The following CYRIB variants were observed in gnomAD, a reference collection of about 807,000 sequenced individuals.
CYRIB encodes CYFIP-related Rac1 interactor B.
In CYRIB, 8 loss-of-function variants were observed where a neutral mutation model predicts 44.2. That is an observed-to-expected ratio of 0.18 (90% CI 0.11 to 0.33). The LOEUF is 0.33. Among genes scored for constraint, CYRIB ranks in the 10% least tolerant of loss-of-function variants. CYRIB has a pLI of 1.00. For synonymous variants in CYRIB, 131 were observed against 127.2 expected (o/e 1.03, Z -0.20); for missense variants, 185 against 382.8 (o/e 0.48, Z 4.31).
At chr8:129,887,532 C>T (rs868446702) in intron 2 of CYRIB, among the ~76,000 whole-genome samples, 1 of 152,174 alleles carries the variant, frequency 6.6e-6, no homozygotes, top group Non-Finnish European at 1.5e-5. Context: ...AGGGGGCCAC[C>T]ATGCTCCAGA....
chr8:129,985,176 T>G (rs1021616127), intron 1 of CYRIB, among the ~76,000 whole-genome samples: 1 of 152,236 alleles, frequency 6.6e-6, no homozygotes, highest in African/African-American at 2.4e-5. Context: ...CTCAGTTTCC[T>G]CTTCTGTAAA....
intron 10 of CYRIB, among the ~76,000 whole-genome samples, chr8:129,847,853 G>A (rs2041039148): frequency 6.6e-6 from 1 of 152,156 alleles, no homozygotes; most frequent in Non-Finnish European, 1.5e-5. Flanking sequence ...CCAGGCTGGA[G>A]TGTAGTGGCG....
chr8:129,900,677 T>C (rs941369862), intron 2 of CYRIB, among the ~76,000 whole-genome samples: 1 of 152,074 alleles, frequency 6.6e-6, no homozygotes, highest in Non-Finnish European at 1.5e-5. Flanking sequence ...GATATTTGGG[T>C]TTTGGGAGGG....
chr8:129,995,224 C>A (rs1411448869), intron 1 of CYRIB, among the ~76,000 whole-genome samples: 1 of 152,128 alleles, frequency 6.6e-6, no homozygotes, highest in East Asian at 1.9e-4. Context: ...CTACAGAGAC[C>A]TACAGAATGG....
intron 1 of CYRIB, among the ~76,000 whole-genome samples, chr8:130,014,523 C>A (rs190606300): frequency 2.0e-5 from 3 of 152,270 alleles, no homozygotes; most frequent in African/African-American, 7.2e-5. Context: ...ATAATAGTAG[C>A]ACTTACGGGG....
intron 1 of CYRIB, among the ~76,000 whole-genome samples, chr8:129,993,612 G>A (rs1360880115): frequency 2.6e-5 from 4 of 151,234 alleles, no homozygotes; most frequent in East Asian, 1.9e-4. Flanking sequence ...CAGGAGAATC[G>A]CTGGAACCCA....
At chr8:129,883,734 C>T (rs1588523545) in intron 2 of CYRIB, among the ~76,000 whole-genome samples, 1 of 152,294 alleles carries the variant, frequency 6.6e-6, no homozygotes, top group East Asian at 1.9e-4. Context: ...AGCTGTGCCA[C>T]TTCCAAACTT....
At chr8:129,949,474 C>T (rs2094381710) in intron 2 of CYRIB, 1 of 152,206 alleles carries the variant, frequency 6.6e-6, no homozygotes, top group African/African-American at 2.4e-5. Context: ...AGTCTTAGCT[C>T]CCTGCTTTGC....
intron 1 of CYRIB, among the ~76,000 whole-genome samples, chr8:129,977,353 G>C (rs1399670704): frequency 2.0e-5 from 3 of 152,012 alleles, no homozygotes; most frequent in Non-Finnish European, 4.4e-5. Flanking sequence ...AGTTCCTAAG[G>C]CCATCCAGCT....
In CYRIB at chr8:129,951,973, AAATGTG is replaced by A. The variant is rs557807713; in HGVS notation, c.-243+18964_-243+18969del. 2.0e-4 allele frequency among the ~76,000 whole-genome samples: 30 copies of A among 152,374 alleles called. No individual in the cohort carries two copies. The East Asian group carries it at 5.0e-3, about 25-fold the overall frequency. ...CTCAGTTAGCATTCATTGAATTTAA[AAATGTG>A]AATATTAAGTTAAAAGAACAAAGTA... On this transcript the variant is annotated intron_variant, in intron 2 of 14. Coordinates refer to the CYRIB transcript ENST00000401979.
intron 1 of CYRIB, among the ~76,000 whole-genome samples, chr8:129,922,904 A>C (rs1030241606): frequency 6.7e-6 from 1 of 149,384 alleles, no homozygotes; most frequent in African/African-American, 2.5e-5. Flanking sequence ...TGTTTTATAC[A>C]TTCCAAACTA....
At chr8:129,862,205 A>G (rs766050753) in intron 5 of CYRIB, 24 bp downstream of exon 7, 5 of 1,502,314 alleles carry the variant, frequency 3.3e-6, no homozygotes, top group East Asian at 2.3e-5. Flanking sequence ...TAGGGAAGTC[A>G]CAATTACAAA....
In CYRIB at chr8:129,852,297, C is replaced by G. The variant is rs757986716; in HGVS notation, c.517-19G>C. The G allele has an allele frequency of 6.9e-7, 1 of 1,439,572 alleles. No homozygotes were observed. The highest frequency in any genetic ancestry group is 2.5e-5 in the East Asian group (1 of 39,584). The allele number at this position is 1,439,572 out of a possible 1,614,324, so 89.2% of individuals were successfully genotyped here. A position where few individuals can be genotyped will look rare whatever the true frequency, so the allele number is the denominator to read the frequency against. ...CTTCTGCCTGTGGGGAAGGTAAAAG[C>G]ACTGGATGTTAGTTCACAAATTATT... On this transcript the variant is annotated intron_variant, in intron 7 of 11. Coordinates refer to ENST00000519824, the Ensembl canonical transcript of CYRIB.
At chr8:129,877,049 G>C (rs760782040) in intron 3 of CYRIB, among the ~76,000 whole-genome samples, 1 of 152,038 alleles carries the variant, frequency 6.6e-6, no homozygotes, top group Non-Finnish European at 1.5e-5. Context: ...TTTTACAAAC[G>C]CATATTTCCA....
At chr8:129,979,423 T>C (rs1388392082) in intron 1 of CYRIB, among the ~76,000 whole-genome samples, 4 of 152,188 alleles carry the variant, frequency 2.6e-5, no homozygotes, top group Non-Finnish European at 4.4e-5. Flanking sequence ...GGTTCTTTTA[T>C]TCACAAACTG....
intron 2 of CYRIB, among the ~76,000 whole-genome samples, chr8:129,958,763 TAA>T (rs532997313): frequency 5.4e-4 from 70 of 129,910 alleles, no homozygotes; most frequent in Admixed American, 8.6e-4. Flanking sequence ...ACCACTGGTT[TAA>T]AAAAAAAAAA....
intron 2 of CYRIB, among the ~76,000 whole-genome samples, chr8:129,969,015 C>CCTTTTTTTTTT (rs1483831431): frequency 2.6e-5 from 2 of 76,870 alleles, no homozygotes; most frequent in Non-Finnish European, 4.6e-5. Context: ...ATTTGTCCTC[C>CCTTTTTTTTTT]TTTTTTTTTT....
chr8:129,849,096 G>A, intron 10 of CYRIB, 147 bp downstream of exon 12: 1 of 657,712 alleles, frequency 1.5e-6, no homozygotes, highest in Non-Finnish European at 2.4e-6. Flanking sequence ...ACAGCACAGG[G>A]ACAGAGGAGA....
In CYRIB at chr8:129,846,796, A is replaced by T; in HGVS notation, c.911+8T>A. 1 of 1,585,134 alleles carries T rather than the reference A, an allele frequency of 6.3e-7. No homozygotes were observed. The highest frequency in any genetic ancestry group is 1.4e-5 in the African/African-American group (1 of 73,306). On this transcript the variant is annotated splice_region_variant and intron_variant, in intron 11 of 11. Coordinates refer to ENST00000519824, the Ensembl canonical transcript of CYRIB. ...TTTCTGTACATACGTACACGTACATATACACACCTGAGAGCATTTAGAAGA... is the reference window on the plus strand; with the variant it reads ...TTTCTGTACATACGTACACGTACATTTACACACCTGAGAGCATTTAGAAGA...
Sources: gnomAD v4.1 joint callset for allele counts (sites outside exome capture counted in the v4.1 genomes callset) on GRCh38, gnomAD v4.1.1 for gene constraint, MANE v1.5 for transcripts, NCBI Gene and HGNC (gene_info 2026-07-23, HGNC 2026-07-21) for gene names.